Variants in GRIN3A observed in about 807,000 individuals in gnomAD.
The protein encoded by GRIN3A is glutamate ionotropic receptor NMDA type subunit 3A.
In GRIN3A, 47 loss-of-function variants were observed where a neutral mutation model predicts 92.4. That is an observed-to-expected ratio of 0.51 (90% CI 0.40 to 0.65). The LOEUF is 0.65. GRIN3A is among the 30% of genes least tolerant of loss of function. The pLI is 0.00. For missense variants in GRIN3A, 1,324 were observed against 1,393.1 expected, an observed-to-expected ratio of 0.95 and a Z score of 0.79; for synonymous variants, 527 against 540.6, an observed-to-expected ratio of 0.97 and a Z score of 0.35.
chr9:101,620,069 T>G (rs1169689018), intron 5 of GRIN3A, among the ~76,000 whole-genome samples: 1 of 152,248 alleles, frequency 6.6e-6, no homozygotes, highest in African/African-American at 2.4e-5. Context: ...TCAAAATAAA[T>G]GCAGAATGGT....
chr9:101,582,089 C>T (rs1010140378), intron 6 of GRIN3A, among the ~76,000 whole-genome samples: 8 of 152,302 alleles, frequency 5.3e-5, no homozygotes, highest in African/African-American at 1.9e-4. Flanking sequence ...TTCACTGACT[C>T]ATTTGTCTGA....
chr9:101,622,892 C>T (rs555822406), intron 5 of GRIN3A, among the ~76,000 whole-genome samples: 3 of 151,822 alleles, frequency 2.0e-5, no homozygotes, highest in Non-Finnish European at 2.9e-5. Flanking sequence ...TTAGAAAATA[C>T]AGATTTCCCT....
intron 3 of GRIN3A, among the ~76,000 whole-genome samples, chr9:101,666,635 CTTAAA>C (rs1829239977): frequency 6.6e-6 from 1 of 152,018 alleles, no homozygotes; most frequent in African/African-American, 2.4e-5. Context: ...TACCCCTAAA[CTTAAA>C]TTAAAAGTTT....
At chr9:101,584,008 T>A (rs1827921208) in intron 6 of GRIN3A, among the ~76,000 whole-genome samples, 1 of 152,092 alleles carries the variant, frequency 6.6e-6, no homozygotes, top group Non-Finnish European at 1.5e-5. Flanking sequence ...AGGCATGTGT[T>A]ACCACACCCA....
chr9:101,718,838 A>T (rs1333424039), intron 1 of GRIN3A, among the ~76,000 whole-genome samples: 2 of 152,214 alleles, frequency 1.3e-5, no homozygotes, highest in Non-Finnish European at 2.9e-5. Flanking sequence ...CCTAGCTAGA[A>T]CTGTTTAGTT....
intron 7 of GRIN3A, 149 bp from the exon 8 acceptor site, chr9:101,577,993 C>T (rs1827847460): frequency 1.5e-6 from 1 of 652,854 alleles, no homozygotes; most frequent in African/African-American, 1.8e-5. Flanking sequence ...AATAGATCAA[C>T]ATTCAGCCTC....
At position 101,590,379 on chromosome 9, in the gene GRIN3A, TATTTATTTATTTA is replaced by T. The variant is rs1269517051; in HGVS notation, c.2767-11032_2767-11020del. 4.3e-3 allele frequency among the ~76,000 whole-genome samples: 648 copies of T among 149,650 alleles called. 7 individuals carry two copies. Among genetic ancestry groups the T allele is most frequent in the African/African-American group, 0.016 (623 of 39,926 alleles). ...TTATTTATTTATTTATTTATTTATT[TATTTATTTATTTA>T]TTTTTTTGAGATGGAATCTCGCTCT... is the stretch of plus-strand genomic sequence containing the variant. On this transcript the variant is annotated intron_variant, in intron 6 of 8. Transcript: ENST00000361820.
At chr9:101,597,726 G>A (rs1828155866) in intron 6 of GRIN3A, among the ~76,000 whole-genome samples, 1 of 152,156 alleles carries the variant, frequency 6.6e-6, no homozygotes. Context: ...TAATTGAAGA[G>A]AAAGTATCAT....
chr9:101,667,016 T>C (rs1454780367), intron 3 of GRIN3A, among the ~76,000 whole-genome samples: 1 of 151,986 alleles, frequency 6.6e-6, no homozygotes, highest in Admixed American at 6.6e-5. Flanking sequence ...TATATTGAAG[T>C]TCACTCTTCT....
intron 7 of GRIN3A, 82 bp from the exon 8 acceptor site, chr9:101,577,926 G>T: frequency 1.0e-6 from 1 of 971,714 alleles, no homozygotes; most frequent in Non-Finnish European, 1.7e-6. Context: ...AGATGTAACA[G>T]TATATGTAGT....
chr9:101,595,860 G>A (rs1473159734), intron 6 of GRIN3A, among the ~76,000 whole-genome samples: 2 of 152,178 alleles, frequency 1.3e-5, no homozygotes, highest in Non-Finnish European at 2.9e-5. Context: ...TCTGCAATGT[G>A]CCCAAAGAAG....
intron 3 of GRIN3A, among the ~76,000 whole-genome samples, chr9:101,669,265 T>C (rs1418496723): frequency 1.3e-5 from 2 of 152,094 alleles, no homozygotes; most frequent in African/African-American, 4.8e-5. Flanking sequence ...CCAGCTCACT[T>C]AGAGGGGCCC....
chr9:101,647,472 C>A (rs972134235), intron 3 of GRIN3A, among the ~76,000 whole-genome samples: 5 of 149,872 alleles, frequency 3.3e-5, no homozygotes, highest in Non-Finnish European at 7.4e-5. Context: ...TTTTTTGTGT[C>A]TTTGTCTGGT....
At chr9:101,696,226 G>A (rs933763396) in intron 1 of GRIN3A, among the ~76,000 whole-genome samples, 2 of 152,220 alleles carry the variant, frequency 1.3e-5, no homozygotes, top group African/African-American at 4.8e-5. Context: ...TCAGAGAGAT[G>A]TGGGGACCAC....
At chr9:101,733,391 A>C (rs1156263950) in intron 1 of GRIN3A, among the ~76,000 whole-genome samples, 1 of 152,236 alleles carries the variant, frequency 6.6e-6, no homozygotes, top group Admixed American at 6.5e-5. Context: ...TCTGTTCTTC[A>C]AGAGGAACCT....
chr9:101,647,466 T>G (rs750236940), intron 3 of GRIN3A, among the ~76,000 whole-genome samples: 13 of 151,942 alleles, frequency 8.6e-5, no homozygotes, highest in African/African-American at 9.7e-5. Flanking sequence ...CGCCTTTTTT[T>G]TGTGTCTTTG....
chr9:101,617,631 T>TTG lies in GRIN3A; in HGVS notation c.2615-4106_2615-4105dup, dbSNP rs547650315. Among the ~76,000 whole-genome samples the TTG allele has an allele frequency of 7.0e-3, 1,061 of 151,628 alleles. 5 individuals are homozygous for TTG. The highest frequency in any genetic ancestry group is 0.025 in the East Asian group (128 of 5,170). ...TTTTATTTTATTTTATTTATTTATT[T>TTG]TGTGTGTGTGTGTGTGTTTTTCTTT... On this transcript the variant is annotated intron_variant, in intron 5 of 8. Transcript: ENST00000361820.
intron 1 of GRIN3A, among the ~76,000 whole-genome samples, chr9:101,722,750 T>C (rs1336252327): frequency 5.3e-5 from 8 of 152,190 alleles, no homozygotes; most frequent in Non-Finnish European, 1.2e-4. Flanking sequence ...ATTTCTCCCA[T>C]ATAGAACGGC....
At chr9:101,715,858 T>C (rs112842965) in intron 1 of GRIN3A, among the ~76,000 whole-genome samples, 1,713 of 152,180 alleles carry the variant, frequency 0.011, 33 homozygotes, top group African/African-American at 0.038. Flanking sequence ...TGGAAGGAAA[T>C]ATATGTTAAG....
Sources: allele counts gnomAD v4.1 joint callset (sites outside exome capture counted in the v4.1 genomes callset), GRCh38; gene constraint gnomAD v4.1.1; transcripts MANE v1.5; gene names NCBI Gene and HGNC (gene_info 2026-07-23, HGNC 2026-07-21).